Variants in ATP13A4 observed in about 807,000 individuals in gnomAD.
ATP13A4 encodes ATPase 13A4.
Under a neutral mutation model 142.5 loss-of-function variants are expected in ATP13A4, and 114 were observed. The observed-to-expected ratio is 0.80, with a 90% CI of 0.69 to 0.93. ATP13A4 has a LOEUF of 0.93. ATP13A4 is among the 40% of genes least tolerant of loss of function. The pLI is 0.00. For synonymous variants in ATP13A4, 488 were observed against 514.8 expected (o/e 0.95, Z 0.70); for missense variants, 1,392 against 1,454.0 (o/e 0.96, Z 0.69).
chr3:193,412,757 G>A (rs1198268720), intron 26 of ATP13A4, among the ~76,000 whole-genome samples: 2 of 151,802 alleles, frequency 1.3e-5, no homozygotes, highest in Non-Finnish European at 2.9e-5. Context: ...ATTTGGCCAA[G>A]TGTGGTGGCT....
intron 8 of ATP13A4, among the ~76,000 whole-genome samples, chr3:193,478,595 TAACA>T (rs1246945380): frequency 2.0e-5 from 3 of 150,256 alleles, no homozygotes; most frequent in South Asian, 2.1e-4. Flanking sequence ...AACAGACCAA[TAACA>T]AGCAGCAAGA....
chr3:193,562,585 T>C (rs922552686), intron 2 of ATP13A4, among the ~76,000 whole-genome samples: 1 of 152,184 alleles, frequency 6.6e-6, no homozygotes, highest in Non-Finnish European at 1.5e-5. Flanking sequence ...AGAATCATAC[T>C]GGTCAGCTGG....
At chr3:193,536,641 A>G (rs1216080311) in intron 1 of ATP13A4, among the ~76,000 whole-genome samples, 2 of 152,062 alleles carry the variant, frequency 1.3e-5, no homozygotes, top group Non-Finnish European at 2.9e-5. Flanking sequence ...ATTTGTAACT[A>G]GATAAGAAAA....
intron 8 of ATP13A4, among the ~76,000 whole-genome samples, chr3:193,477,100 G>A (rs1719009721): frequency 1.3e-5 from 2 of 151,936 alleles, no homozygotes; most frequent in South Asian, 2.1e-4. Context: ...AAAGCAAGGG[G>A]CAATAAAACA....
chr3:193,580,767 G>T (rs1724522580), intron 2 of ATP13A4, among the ~76,000 whole-genome samples: 1 of 152,116 alleles, frequency 6.6e-6, no homozygotes, highest in African/African-American at 2.4e-5. Flanking sequence ...GTACGGTTTT[G>T]AACATGACAT....
At position 193,407,403 on chromosome 3, in the gene ATP13A4, G is replaced by C. The variant is rs1714552132; in HGVS notation, c.3298-10C>G. On this transcript the variant is annotated splice_polypyrimidine_tract_variant and intron_variant, in intron 28 of 29. Coordinates refer to ENST00000342695, the MANE Select transcript of ATP13A4 (RefSeq NM_032279.4). ...CGGGAGTGCAGAGCAGCTGGCGGGA[G>C]ATGATGAAGCACAGTTAGTCTGAAG... 6.2e-7 allele frequency: 1 copy of C among 1,603,146 alleles called. No individual in the cohort carries two copies. Among genetic ancestry groups the C allele is most frequent in the Non-Finnish European group, 8.5e-7 (1 of 1,170,346 alleles).
At chr3:193,452,334 G>A (rs1194784690) in intron 17 of ATP13A4, among the ~76,000 whole-genome samples, 4 of 152,082 alleles carry the variant, frequency 2.6e-5, no homozygotes, top group South Asian at 4.1e-4. Context: ...TTACTTGAGT[G>A]ACCCTGAACT....
chr3:193,441,556 A>G lies in ATP13A4; in HGVS notation c.2349T>C (p.Ser783=), dbSNP rs1450225163. The change falls in exon 20 of 30, where the codon TCT becomes TCC. Residue 783 remains serine, a synonymous_variant. Coordinates refer to ENST00000342695, the MANE Select transcript of ATP13A4 (RefSeq NM_032279.4). Reference sequence around the variant, plus strand: ...GGTAACTTCCTTCTCTGCCTTTATCAGAGACTTCATCCCTGATGTTAATGT... The same window carrying G: ...GGTAACTTCCTTCTCTGCCTTTATCGGAGACTTCATCCCTGATGTTAATGT... ...DNYINIRDEV[S]DKGREGSYHF... 5.6e-6 allele frequency: 9 copies of G among 1,613,464 alleles called. No homozygotes were observed. The highest frequency in any genetic ancestry group is 6.8e-6 in the Non-Finnish European group (8 of 1,179,478).
chr3:193,551,973 TTATC>T (rs1308706146), intron 1 of ATP13A4, among the ~76,000 whole-genome samples: 1 of 152,230 alleles, frequency 6.6e-6, no homozygotes, highest in African/African-American at 2.4e-5. Flanking sequence ...TTATTTATTT[TTATC>T]TATTTACTTA....
rs147085927 is a variant in ATP13A4 at position 193,467,238 on chromosome 3, T to C, written c.1114+78A>G. ...TTATAAAGAAAAAACAGCTTCTCTT[T>C]ACCTAATAAATTTAAGGCACTAGAC... On this transcript the variant is annotated intron_variant, in intron 10 of 29. Transcript: ENST00000342695. 5.9e-5 allele frequency: 86 copies of C among 1,454,798 alleles called. 2 individuals are homozygous for C. The African/African-American group carries it at 1.2e-3, about 20-fold the overall frequency. 90.1% of individuals were successfully genotyped at this position (1,454,798 alleles called of 1,614,324 possible).
At chr3:193,497,966 T>C (rs1201044390) in intron 3 of ATP13A4, among the ~76,000 whole-genome samples, 1 of 152,118 alleles carries the variant, frequency 6.6e-6, no homozygotes, top group African/African-American at 2.4e-5. Flanking sequence ...TACAAAGTTA[T>C]AGTTAGATAG....
chr3:193,476,215 A>G (rs150431850), intron 8 of ATP13A4, among the ~76,000 whole-genome samples: 2 of 152,204 alleles, frequency 1.3e-5, no homozygotes, highest in African/African-American at 4.8e-5. Context: ...GAGTACTTGC[A>G]ACATTCTTAT....
intron 5 of ATP13A4, among the ~76,000 whole-genome samples, chr3:193,492,314 A>G (rs938517714): frequency 4.6e-5 from 7 of 152,152 alleles, no homozygotes; most frequent in Non-Finnish European, 8.8e-5. Flanking sequence ...ACCCATGTCT[A>G]TGATTGGGAA....
At position 193,464,937 on chromosome 3, in the gene ATP13A4, TA is replaced by T; in HGVS notation, c.1461+2del. 5 of 1,612,370 alleles carry T rather than the reference TA, an allele frequency of 3.1e-6. No homozygotes were observed. The highest frequency in any genetic ancestry group is 4.2e-6 in the Non-Finnish European group (5 of 1,178,534). On this transcript the variant is annotated splice_donor_variant, in intron 12 of 29. Coordinates refer to ENST00000342695, the MANE Select transcript of ATP13A4 (RefSeq NM_032279.4). LOFTEE classifies it high-confidence loss of function. ...GATAAGAATAAGGATGAAACACACA[TA>T]CCTTGTCAAAGCAGACAAGGTTTAA... is the stretch of plus-strand genomic sequence containing the variant.
intron 1 of ATP13A4, among the ~76,000 whole-genome samples, chr3:193,551,933 C>G (rs1723597645): frequency 6.6e-6 from 1 of 152,024 alleles, no homozygotes; most frequent in African/African-American, 2.4e-5. Flanking sequence ...TCTTTAGTTC[C>G]TGTTTGCTTT....
chr3:193,489,573 T>C (rs1719827825), intron 7 of ATP13A4, among the ~76,000 whole-genome samples, 157 bp downstream of exon 7: 1 of 152,178 alleles, frequency 6.6e-6, no homozygotes, highest in Non-Finnish European at 1.5e-5. Context: ...AAGGACTAAA[T>C]TGTTGAACAC....
At chr3:193,539,416 A>C (rs952514841) in intron 1 of ATP13A4, among the ~76,000 whole-genome samples, 1 of 152,186 alleles carries the variant, frequency 6.6e-6, no homozygotes, top group Non-Finnish European at 1.5e-5. Flanking sequence ...ACTTCTCATA[A>C]AGATGCTTAT....
intron 1 of ATP13A4, among the ~76,000 whole-genome samples, chr3:193,588,958 G>A (rs952574378): frequency 2.0e-5 from 3 of 152,048 alleles, no homozygotes; most frequent in African/African-American, 7.2e-5. Flanking sequence ...TGGCCAAAAT[G>A]GTGAAACCCC....
rs763699813 is a variant in ATP13A4 at position 193,410,964 on chromosome 3, C to G, written c.3297+18G>C. 6 of 1,477,988 alleles carry G rather than the reference C, an allele frequency of 4.1e-6. No individual in the cohort carries two copies. The African/African-American group carries it at 5.5e-5, about 14-fold the overall frequency. 91.6% of individuals were successfully genotyped at this position (1,477,988 alleles called of 1,614,324 possible). On this transcript the variant is annotated intron_variant, in intron 28 of 29. Transcript: ENST00000342695. ...ACATAACTGTAAAGCATCATCATATCCCAAAGATTAGACTTACATCCAAAC... is the reference window on the plus strand; with the variant it reads ...ACATAACTGTAAAGCATCATCATATGCCAAAGATTAGACTTACATCCAAAC...
Sources: gnomAD v4.1 joint callset for allele counts (sites outside exome capture counted in the v4.1 genomes callset) on GRCh38, gnomAD v4.1.1 for gene constraint, MANE v1.5 for transcripts, NCBI Gene and HGNC (gene_info 2026-07-23, HGNC 2026-07-21) for gene names.